Variants in PPP6R2 observed in about 807,000 individuals in gnomAD.
PPP6R2 encodes protein phosphatase 6 regulatory subunit 2.
In PPP6R2, 62 loss-of-function variants were observed where a neutral mutation model predicts 100.2. That is an observed-to-expected ratio of 0.62 (90% CI 0.50 to 0.76). The LOEUF (loss-of-function observed/expected upper bound fraction) is 0.76, where lower values mean the gene tolerates loss of function less well. PPP6R2 is among the 30% of genes least tolerant of loss of function. The pLI, the probability that PPP6R2 is intolerant of heterozygous loss-of-function variation, is 0.00. For missense variants in PPP6R2, 1,142 were observed against 1,276.3 expected (o/e 0.89, Z 1.60); for synonymous variants, 525 against 514.7 (o/e 1.02, Z -0.27).
intron 1 of PPP6R2, among the ~76,000 whole-genome samples, chr22:50,359,083 T>C (rs2047238961): frequency 7.3e-6 from 1 of 136,780 alleles, no homozygotes; most frequent in African/African-American, 2.7e-5. Flanking sequence ...CACTGCAACC[T>C]CCACCTCCTG....
At chr22:50,429,709 G>A (rs1250627251) in intron 10 of PPP6R2, among the ~76,000 whole-genome samples, 2 of 152,122 alleles carry the variant, frequency 1.3e-5, no homozygotes, top group Non-Finnish European at 2.9e-5. Context: ...AGACCTCATC[G>A]CCAGGAAAGG....
At chr22:50,419,512 G>C (rs528053022) in intron 8 of PPP6R2, 50 bp downstream of exon 8, 2 of 1,311,846 alleles carry the variant, frequency 1.5e-6, no homozygotes, top group African/African-American at 2.9e-5. Flanking sequence ...ACGCCTCAGT[G>C]ATATGGCAGC....
At chr22:50,366,311 C>CTTT (rs556380235) in intron 1 of PPP6R2, among the ~76,000 whole-genome samples, 2 of 137,576 alleles carry the variant, frequency 1.5e-5, no homozygotes, top group African/African-American at 5.3e-5. Flanking sequence ...TCCCTCTCAT[C>CTTT]TTTTTTTTTT....
intron 2 of PPP6R2, among the ~76,000 whole-genome samples, chr22:50,379,245 C>T (rs2052350295): frequency 6.6e-6 from 1 of 152,134 alleles, no homozygotes. Context: ...CCTGTAATCC[C>T]AGCACTTTGA....
In PPP6R2 at chr22:50,438,596, C is replaced by CA. The variant is rs753595422; in HGVS notation, c.1965-2dup. On this transcript the variant is annotated splice_region_variant and splice_polypyrimidine_tract_variant and intron_variant, in intron 18 of 23. Coordinates refer to ENST00000612753, the MANE Select transcript of PPP6R2 (RefSeq NM_001242898.2). ...CAGACATCTGACTCTGAATCTCCCCCAGGTTTGGAGCCCCCCATGCTTCAG... is the reference window on the plus strand; with the variant it reads ...CAGACATCTGACTCTGAATCTCCCCCAAGGTTTGGAGCCCCCCATGCTTCAG... 10 of 1,613,600 alleles carry CA rather than the reference C, an allele frequency of 6.2e-6. No homozygotes were observed. The South Asian group carries it at 1.1e-4, about 18-fold the overall frequency.
At chr22:50,334,914 G>T in the PPP6R2 span, among the ~76,000 whole-genome samples, 1 of 151,886 alleles carries the variant, frequency 6.6e-6, no homozygotes, top group Non-Finnish European at 1.5e-5. Context: ...CGCACCAACT[G>T]CACTCCAGCC....
intron 2 of PPP6R2, among the ~76,000 whole-genome samples, chr22:50,391,287 G>A (rs2055470070): frequency 6.6e-6 from 1 of 151,814 alleles, no homozygotes; most frequent in African/African-American, 2.4e-5. Context: ...CAAAAAATCA[G>A]CTGGGCATGG....
chr22:50,381,839 C>T (rs1352897903), intron 2 of PPP6R2, among the ~76,000 whole-genome samples: 4 of 149,686 alleles, frequency 2.7e-5, no homozygotes, highest in East Asian at 2.0e-4. Flanking sequence ...ACCCGGGAGG[C>T]GGAGCTTGCA....
At chr22:50,358,186 C>G (rs574179349) in intron 1 of PPP6R2, among the ~76,000 whole-genome samples, 2 of 152,214 alleles carry the variant, frequency 1.3e-5, no homozygotes, top group South Asian at 4.1e-4. Flanking sequence ...TAACTCCTGA[C>G]CTCAAGTGAT....
Position 50,444,354 on chromosome 22 carries a change from A to C in PPP6R2, c.*107A>C, listed in dbSNP as rs2066583920. 7.4e-7 allele frequency: 1 copy of C among 1,345,556 alleles called. No homozygotes were observed. Among genetic ancestry groups the C allele is most frequent in the Non-Finnish European group, 1.0e-6 (1 of 987,396 alleles). 83.4% of individuals were successfully genotyped at this position (1,345,556 alleles called of 1,614,324 possible). On this transcript the variant is annotated 3_prime_UTR_variant, in exon 24 of 24. Transcript: ENST00000612753. ...TTTTTTTAATTTAATTTAATTTTAA[A>C]ATAAATGCTGCATTGGTAAAGCTGG... is the stretch of plus-strand genomic sequence containing the variant.
chr22:50,398,625 C>T (rs1002538944), intron 3 of PPP6R2, among the ~76,000 whole-genome samples: 1 of 150,582 alleles, frequency 6.6e-6, no homozygotes, highest in African/African-American at 2.4e-5. Context: ...AAGCAGTTCT[C>T]CTACCTCGGT....
At chr22:50,353,872 A>G (rs1220600213) in intron 1 of PPP6R2, among the ~76,000 whole-genome samples, 2 of 149,110 alleles carry the variant, frequency 1.3e-5, no homozygotes, top group Non-Finnish European at 3.0e-5. Context: ...TTTTTAAAAA[A>G]TTTTAATAGA....
intron 2 of PPP6R2, among the ~76,000 whole-genome samples, chr22:50,384,407 T>G (rs942799413): frequency 6.6e-6 from 1 of 151,982 alleles, no homozygotes; most frequent in Non-Finnish European, 1.5e-5. Flanking sequence ...TACAAAAAAT[T>G]AGCCGGGCGT....
At chr22:50,385,859 T>C (rs1268702242) in intron 2 of PPP6R2, among the ~76,000 whole-genome samples, 1 of 117,338 alleles carries the variant, frequency 8.5e-6, no homozygotes, top group East Asian at 2.9e-4. Flanking sequence ...AGTCTTGCTC[T>C]GTCTCCCAGG....
chr22:50,410,174 C>A, intron 4 of PPP6R2, among the ~76,000 whole-genome samples: 1 of 151,986 alleles, frequency 6.6e-6, no homozygotes, highest in Non-Finnish European at 1.5e-5. Flanking sequence ...CAAAAATAAA[C>A]CTACTGAAAT....
At chr22:50,346,196 C>G (rs556888026) in intron 1 of PPP6R2, among the ~76,000 whole-genome samples, 3 of 30,306 alleles carry the variant, frequency 9.9e-5, no homozygotes, top group Admixed American at 5.7e-4. Context: ...AGTGCCCCCC[C>G]CAAGTCAGTC....
chr22:50,436,516 T>A lies in PPP6R2; in HGVS notation c.1602+64T>A, dbSNP rs1163246593. On this transcript the variant is annotated intron_variant, in intron 14 of 23. Transcript: ENST00000612753. ...GTGCTGGGACGCCGTCAGACGCTCC[T>A]GCCTTTGCCCTGAGGCAGAGGCCAA... 3 of 1,502,300 alleles carry A rather than the reference T, an allele frequency of 2.0e-6. No homozygotes were observed. The South Asian group carries it at 3.6e-5, about 18-fold the overall frequency. The allele number at this position is 1,502,300 out of a possible 1,614,324, so 93.1% of individuals were successfully genotyped here. A position where few individuals can be genotyped will look rare whatever the true frequency, so the allele number is the denominator to read the frequency against.
Position 50,438,236 on chromosome 22 carries a change from G to T in PPP6R2, c.1902G>T (p.Glu634Asp), listed in dbSNP as rs774623330. Residue 634 changes from glutamate (E) to aspartate (D), a missense_variant, in exon 18 of 24, where the codon GAG (glutamate) becomes GAT (aspartate). Glu to Asp is a conservative substitution (Grantham distance 45, BLOSUM62 2). Transcript: ENST00000612753. The stretch of plus-strand genomic sequence containing the variant: ...GCATCCAGCCCTTTGATGATGATGA[G>T]GACGAGGACATCTGGGAGGACAGTG... ...SDRIQPFDDD[E>D]DEDIWEDSDT... 5.8e-5 allele frequency: 93 copies of T among 1,613,818 alleles called. No homozygotes were observed. Among genetic ancestry groups the T allele is most frequent in the Non-Finnish European group, 7.5e-5 (89 of 1,179,982 alleles).
rs2054299873 is a variant in PPP6R2 at position 50,386,574 on chromosome 22, T to C, written c.-16-7319T>C. ...AAGGAGGTCCCAAAGAACAGTGGCT[T>C]GAGCAAGGTGCAAGCACATTTCTTT... On this transcript the variant is annotated intron_variant, in intron 2 of 23. Transcript: ENST00000612753. 1.3e-5 allele frequency among the ~76,000 whole-genome samples: 2 copies of C among 152,212 alleles called. 1 individual carries two copies. The highest frequency in any genetic ancestry group is 4.1e-4 in the South Asian group (2 of 4,832).
Sources: allele counts gnomAD v4.1 joint callset (sites outside exome capture counted in the v4.1 genomes callset), GRCh38; gene constraint gnomAD v4.1.1; transcripts MANE v1.5; gene names NCBI Gene and HGNC (gene_info 2026-07-23, HGNC 2026-07-21).